The following NUP50 variants were observed in gnomAD, a reference collection of about 807,000 sequenced individuals.
NUP50 encodes the protein nuclear pore complex protein Nup50.
Under a neutral mutation model 36.8 loss-of-function variants are expected in NUP50, and 14 were observed. That is an observed-to-expected ratio of 0.38 (90% CI 0.25 to 0.59). The LOEUF (loss-of-function observed/expected upper bound fraction) is 0.59, where lower values mean the gene tolerates loss of function less well. Ranked by LOEUF, NUP50 falls within the 20% of genes least tolerant of loss-of-function variation. The probability of loss-of-function intolerance (pLI) is 0.63; values close to 1 mark genes in which losing one functional copy is unlikely to be tolerated. For missense variants in NUP50, 455 were observed against 564.6 expected (o/e 0.81, Z 1.97); for synonymous variants, 195 against 210.8 (o/e 0.93, Z 0.65).
At chr22:45,175,380 G>A (rs191904346) in intron 3 of NUP50, among the ~76,000 whole-genome samples, 1 of 152,318 alleles carries the variant, frequency 6.6e-6, no homozygotes, top group Non-Finnish European at 1.5e-5. Context: ...ATGTAGATTT[G>A]AGACTCGATC....
Position 45,174,183 on chromosome 22 carries a change from CTT to C in NUP50, c.154-1696_154-1695del, listed in dbSNP as rs132886. Among the ~76,000 whole-genome samples, 832 of 137,860 alleles carry C rather than the reference CTT, an allele frequency of 6.0e-3. 2 individuals are homozygous for C. Among genetic ancestry groups the C allele is most frequent in the African/African-American group, 0.015 (555 of 37,132 alleles). 90.4% of individuals were successfully genotyped at this position (137,860 alleles called of 152,430 possible). On this transcript the variant is annotated intron_variant, in intron 3 of 7. Transcript: ENST00000347635. ...GGAGGAGCCCACATGGGTATTTTCC[CTT>C]TTTTTTTTTTTTTTGAGACAGGGTC...
At chr22:45,165,898 C>T (rs1276211206) in intron 1 of NUP50, 1 of 152,320 alleles carries the variant, frequency 6.6e-6, no homozygotes, top group South Asian at 2.1e-4. Flanking sequence ...TTAAATATAA[C>T]TTGCCCAAGT....
intron 5 of NUP50, 136 bp from the exon 6 acceptor site, chr22:45,181,150 A>T: frequency 4.3e-5 from 2 of 46,768 alleles, no homozygotes. Context: ...CCCCCCCCCC[A>T]TTAAGTGTGC....
At position 45,185,233 on chromosome 22, in the gene NUP50, T is replaced by TA. The variant is rs1480913161; in HGVS notation, c.*580dup. The TA allele has an allele frequency of 6.4e-6, 1 of 155,122 alleles. No individual in the cohort carries two copies. Among genetic ancestry groups the TA allele is most frequent in the Admixed American group, 6.3e-5 (1 of 15,936 alleles). The allele number at this position is 155,122 out of a possible 1,614,324, so 9.6% of individuals were successfully genotyped here. A position where few individuals can be genotyped will look rare whatever the true frequency, so the allele number is the denominator to read the frequency against. On this transcript the variant is annotated 3_prime_UTR_variant, in exon 8 of 8. Transcript: ENST00000347635. ...CCTCAGCGTTCGAATCATTGGCCTGTAACCCTGTGGGCTGCTTCACGAGAA... is the reference window on the plus strand; with the variant it reads ...CCTCAGCGTTCGAATCATTGGCCTGTAAACCCTGTGGGCTGCTTCACGAGAA...
rs537309944 is a variant in NUP50 at position 45,184,991 on chromosome 22, G to C, written c.*336G>C. The stretch of plus-strand genomic sequence containing the variant: ...GCTTTCCCAAAGGCTCTTCCAACCC[G>C]TGGGTTTTGGGGTCCACCGCCACCA... On this transcript the variant is annotated 3_prime_UTR_variant, in exon 8 of 8. Coordinates refer to ENST00000347635, the MANE Select transcript of NUP50 (RefSeq NM_007172.4). 6.2e-6 allele frequency: 2 copies of C among 320,752 alleles called. No homozygotes were observed. Among genetic ancestry groups the C allele is most frequent in the South Asian group, 2.8e-5 (1 of 35,338 alleles). The allele number at this position is 320,752 out of a possible 1,614,324, so 19.9% of individuals were successfully genotyped here.
At position 45,186,663 on chromosome 22, in the gene NUP50, T is replaced by G. The variant is rs1189549067; in HGVS notation, c.*2008T>G. 7 of 152,682 alleles carry G rather than the reference T, an allele frequency of 4.6e-5. No individual in the cohort carries two copies. Among genetic ancestry groups the G allele is most frequent in the Non-Finnish European group, 1.0e-4 (7 of 68,044 alleles). 9.5% of individuals were successfully genotyped at this position (152,682 alleles called of 1,614,324 possible). On this transcript the variant is annotated 3_prime_UTR_variant, in exon 8 of 8. Coordinates refer to ENST00000347635, the MANE Select transcript of NUP50 (RefSeq NM_007172.4). ...AAAAAATAGTTTATATATTTTTAAA[T>G]TAGTAGGTATGTGTGGCTTCCTTTT...
rs1480768163 is a variant in NUP50, at chr22:45,178,316, C to T, written c.419C>T (p.Pro140Leu). Reference sequence around the variant, plus strand: ...AAAACTAATGGGGACAGTCAGCAGCCCTCCTCCTCTGGCCTTGCTTCCAGT... The same window carrying T: ...AAAACTAATGGGGACAGTCAGCAGCTCTCCTCCTCTGGCCTTGCTTCCAGT... ...NPKTNGDSQQ[P>L]SSSGLASSKA... Residue 140 changes from proline (P) to leucine (L), a missense_variant, in exon 5 of 8, where the codon CCC (proline) becomes CTC (leucine). Pro to Leu is a moderately conservative substitution (Grantham distance 98). Around this residue, in one of 3 missense-constraint regions of NUP50, gnomAD observed 166 missense variants for 202.8 expected, o/e 0.82. Coordinates refer to ENST00000347635, the MANE Select transcript of NUP50 (RefSeq NM_007172.4). 1 of 1,613,842 alleles carries T rather than the reference C, an allele frequency of 6.2e-7. No individual in the cohort carries two copies. Among genetic ancestry groups the T allele is most frequent in the African/African-American group, 1.3e-5 (1 of 74,912 alleles).
intron 2 of NUP50, among the ~76,000 whole-genome samples, chr22:45,170,789 A>G (rs910270362): frequency 1.3e-5 from 2 of 152,224 alleles, no homozygotes; most frequent in African/African-American, 2.4e-5. Flanking sequence ...TAAAATATTC[A>G]GGAATGAAAG....
At chr22:45,172,776 C>G (rs909834180) in intron 3 of NUP50, among the ~76,000 whole-genome samples, 4 of 152,080 alleles carry the variant, frequency 2.6e-5, no homozygotes, top group Non-Finnish European at 5.9e-5. Flanking sequence ...GGGAGGCAGT[C>G]AGTAAGACGT....
At position 45,168,377 on chromosome 22, in the gene NUP50, G is replaced by A. The variant is rs2074128434; in HGVS notation, c.69+131G>A. ...GAACATCATGAATGGGAGATGACAA[G>A]AAATTATATGACCTGTACTTAGTGT... On this transcript the variant is annotated intron_variant, in intron 2 of 7. Transcript: ENST00000347635. 6.2e-6 allele frequency: 4 copies of A among 641,390 alleles called. No homozygotes were observed. The East Asian group carries it at 8.3e-5, about 13-fold the overall frequency. The allele number at this position is 641,390 out of a possible 1,614,324, so 39.7% of individuals were successfully genotyped here.
chr22:45,166,283 C>CTTTTTTTTTTTTTTTTTTTT (rs71190641), intron 1 of NUP50: 8 of 121,946 alleles, frequency 6.6e-5, no homozygotes, highest in African/African-American at 2.1e-4. Context: ...TTTTCTTTTT[C>CTTTTTTTTTTTTTTTTTTTT]TTTTTTTTTT....
At chr22:45,168,355 C>A in intron 2 of NUP50, 109 bp downstream of exon 2, 1 of 730,512 alleles carries the variant, frequency 1.4e-6, no homozygotes, top group South Asian at 1.7e-5. Flanking sequence ...TTTCTAAGAA[C>A]ATCATGAATG....
At chr22:45,172,133 A>G (rs1457370500) in intron 3 of NUP50, 1 of 158,156 alleles carries the variant, frequency 6.3e-6, no homozygotes, top group Non-Finnish European at 1.4e-5. Flanking sequence ...GCTAAGAAGG[A>G]TGGAAGATGA....
At chr22:45,174,185 T>C (rs1468651467) in intron 3 of NUP50, among the ~76,000 whole-genome samples, 4 of 17,918 alleles carry the variant, frequency 2.2e-4, no homozygotes, top group African/African-American at 2.9e-4. Context: ...TATTTTCCCT[T>C]TTTTTTTTTT....
At chr22:45,167,838 A>G (rs553584615) in intron 1 of NUP50, among the ~76,000 whole-genome samples, 1 of 152,354 alleles carries the variant, frequency 6.6e-6, no homozygotes, top group South Asian at 2.1e-4. Context: ...GATTATATAT[A>G]CAGTACTTCA....
chr22:45,171,769 T>C (rs2147674599), intron 3 of NUP50, 86 bp downstream of exon 3: 14 of 1,026,562 alleles, frequency 1.4e-5, no homozygotes, highest in Middle Eastern at 2.1e-4. Flanking sequence ...AGCAATGATA[T>C]CAACAAATGC....
At chr22:45,176,164 C>T (rs910808590) in intron 4 of NUP50, 84 bp downstream of exon 4, 8 of 1,435,072 alleles carry the variant, frequency 5.6e-6, no homozygotes, top group Non-Finnish European at 5.7e-6. Flanking sequence ...TTATAGCTAC[C>T]CTGTGTCTTG....
intron 6 of NUP50, 137 bp downstream of exon 6, chr22:45,181,504 G>GAAAGA (rs1283344708): frequency 1.9e-5 from 3 of 157,090 alleles, no homozygotes; most frequent in African/African-American, 4.6e-5. Flanking sequence ...AGTGGAACAG[G>GAAAGA]AAAGAATTCT....
intron 4 of NUP50, among the ~76,000 whole-genome samples, chr22:45,177,145 T>C (rs2074288908): frequency 6.6e-6 from 1 of 152,232 alleles, no homozygotes; most frequent in East Asian, 1.9e-4. Flanking sequence ...AACTCTTAGA[T>C]AGGAAAAGTG....
Sources: allele counts gnomAD v4.1 joint callset (sites outside exome capture counted in the v4.1 genomes callset), GRCh38; gene constraint gnomAD v4.1.1; regional missense constraint gnomAD v4.1.1; transcripts MANE v1.5; gene names NCBI Gene and HGNC (gene_info 2026-07-23, HGNC 2026-07-21).